ARHGEF3: variants seen among roughly 807,000 people sequenced by gnomAD.
The protein encoded by ARHGEF3 is Rho guanine nucleotide exchange factor 3.
In ARHGEF3, 28 loss-of-function variants were observed where a neutral mutation model predicts 63.2. That is an observed-to-expected ratio of 0.44 (90% CI 0.33 to 0.61). The LOEUF (loss-of-function observed/expected upper bound fraction) is 0.61, where lower values mean the gene tolerates loss of function less well. Among genes scored for constraint, ARHGEF3 ranks in the 20% least tolerant of loss-of-function variants. ARHGEF3 has a pLI of 0.03. For missense variants in ARHGEF3, 533 were observed against 659.3 expected, an observed-to-expected ratio of 0.81 and a Z score of 2.10; for synonymous variants, 266 against 254.2, an observed-to-expected ratio of 1.05 and a Z score of -0.44.
intron 4 of ARHGEF3, among the ~76,000 whole-genome samples, chr3:56,829,937 T>A (rs1034912394): frequency 6.6e-6 from 1 of 152,276 alleles, no homozygotes; most frequent in East Asian, 1.9e-4. Context: ...CCCCAAATAA[T>A]AGCAACAGAC....
At chr3:57,037,270 G>A (rs1704000863) in intron 1 of ARHGEF3, among the ~76,000 whole-genome samples, 1 of 152,196 alleles carries the variant, frequency 6.6e-6, no homozygotes, top group Non-Finnish European at 1.5e-5. Context: ...AGGGTATGAA[G>A]AGGAATTGAG....
chr3:57,050,136 T>C (rs1339899032), intron 1 of ARHGEF3, among the ~76,000 whole-genome samples: 2 of 152,156 alleles, frequency 1.3e-5, no homozygotes, highest in Non-Finnish European at 2.9e-5. Flanking sequence ...CTGACCCTTC[T>C]CCTTCCACTC....
At chr3:56,871,092 G>A (rs1396994667) in intron 4 of ARHGEF3, among the ~76,000 whole-genome samples, 1 of 152,114 alleles carries the variant, frequency 6.6e-6, no homozygotes, top group Non-Finnish European at 1.5e-5. Context: ...ACCTAAGGAG[G>A]TAAGTGGGAC....
intron 3 of ARHGEF3, among the ~76,000 whole-genome samples, chr3:56,905,533 C>G (rs919274804): frequency 2.6e-5 from 4 of 152,200 alleles, no homozygotes; most frequent in Non-Finnish European, 5.9e-5. Flanking sequence ...AGCAAATATC[C>G]TTCTACATAA....
At position 56,817,871 on chromosome 3, in the gene ARHGEF3, T is replaced by C. The variant is rs1326106433; in HGVS notation, c.193-44055A>G. Reference sequence around the variant, plus strand: ...ATGCCCCGTACCCACAGGGCAATCATGTCCACACCATGGGCAAGTGGCTTT... The same window carrying C: ...ATGCCCCGTACCCACAGGGCAATCACGTCCACACCATGGGCAAGTGGCTTT... On this transcript the variant is annotated intron_variant, in intron 4 of 12. Transcript: ENST00000338458. 3.9e-5 allele frequency among the ~76,000 whole-genome samples: 6 copies of C among 152,316 alleles called. 1 individual carries two copies. The South Asian group carries it at 1.0e-3, about 26-fold the overall frequency.
intron 3 of ARHGEF3, among the ~76,000 whole-genome samples, chr3:56,904,698 G>C (rs2041630484): frequency 6.6e-6 from 1 of 152,104 alleles, no homozygotes; most frequent in South Asian, 2.1e-4. Flanking sequence ...CACATACAGA[G>C]ACACATACAA....
chr3:56,813,157 T>C (rs2038135651), intron 4 of ARHGEF3, among the ~76,000 whole-genome samples: 1 of 152,214 alleles, frequency 6.6e-6, no homozygotes, highest in Non-Finnish European at 1.5e-5. Flanking sequence ...AACAGGCTTT[T>C]AACATCTCCA....
intron 3 of ARHGEF3, among the ~76,000 whole-genome samples, chr3:56,934,627 T>G (rs1012167782): frequency 6.6e-6 from 1 of 151,914 alleles, no homozygotes; most frequent in Non-Finnish European, 1.5e-5. Flanking sequence ...CTGCGGAGGG[T>G]GTACTGGGTC....
At chr3:56,807,740 G>C (rs1410529877) in intron 4 of ARHGEF3, among the ~76,000 whole-genome samples, 3 of 152,188 alleles carry the variant, frequency 2.0e-5, no homozygotes, top group Non-Finnish European at 2.9e-5. Context: ...TGGCACAAAT[G>C]AAGCAACCAT....
chr3:57,047,248 T>C (rs1446145977), intron 1 of ARHGEF3, among the ~76,000 whole-genome samples: 1 of 152,176 alleles, frequency 6.6e-6, no homozygotes, highest in Non-Finnish European at 1.5e-5. Context: ...CTCAGGAGGC[T>C]GAGGCAGGGG....
At chr3:56,909,186 C>T (rs1028026274) in intron 3 of ARHGEF3, among the ~76,000 whole-genome samples, 1 of 152,184 alleles carries the variant, frequency 6.6e-6, no homozygotes, top group African/African-American at 2.4e-5. Flanking sequence ...GGGGACCACA[C>T]AGACATTTTC....
At chr3:56,879,793 C>A (rs1341241006) in intron 4 of ARHGEF3, among the ~76,000 whole-genome samples, 1 of 152,158 alleles carries the variant, frequency 6.6e-6, no homozygotes, top group Non-Finnish European at 1.5e-5. Flanking sequence ...CTTTGAGTAG[C>A]CCACAGAGGC....
intron 4 of ARHGEF3, among the ~76,000 whole-genome samples, chr3:56,881,933 C>T (rs1026966989): frequency 1.3e-5 from 2 of 152,204 alleles, no homozygotes; most frequent in African/African-American, 4.8e-5. Flanking sequence ...CTGAGCTGGG[C>T]CAAGCCACTA....
At chr3:56,772,039 T>C (rs2036034155) in intron 2 of ARHGEF3, among the ~76,000 whole-genome samples, 2 of 152,186 alleles carry the variant, frequency 1.3e-5, no homozygotes, top group African/African-American at 4.8e-5. Flanking sequence ...CACATTCTTC[T>C]TCACTAGTTT....
chr3:56,745,086 G>T, intron 7 of ARHGEF3, 119 bp downstream of exon 7: 2 of 1,315,744 alleles, frequency 1.5e-6, no homozygotes, highest in Non-Finnish European at 2.1e-6. Context: ...GCCAGGCCTG[G>T]AACCCAAGAT....
chr3:57,025,867 C>G (rs534820513), intron 2 of ARHGEF3, among the ~76,000 whole-genome samples: 7 of 152,260 alleles, frequency 4.6e-5, no homozygotes, highest in Non-Finnish European at 1.0e-4. Context: ...TTAGAGAAGA[C>G]GATTCCTCCT....
intron 1 of ARHGEF3, among the ~76,000 whole-genome samples, chr3:57,044,424 G>C (rs1404585920): frequency 6.6e-6 from 1 of 152,228 alleles, no homozygotes. Flanking sequence ...AAAGGAAGAT[G>C]CATGCTGGGG....
At chr3:56,892,089 A>G (rs536612769) in intron 3 of ARHGEF3, among the ~76,000 whole-genome samples, 41 of 152,322 alleles carry the variant, frequency 2.7e-4, no homozygotes, top group African/African-American at 9.9e-4. Flanking sequence ...TGCCACCACC[A>G]ACCCTGATGG....
intron 1 of ARHGEF3, among the ~76,000 whole-genome samples, chr3:56,775,943 A>T (rs2107850710): frequency 6.6e-6 from 1 of 152,304 alleles, no homozygotes; most frequent in Non-Finnish European, 1.5e-5. Flanking sequence ...AGGGAGCAGG[A>T]CCTGGTCTCA....
Sources: allele counts gnomAD v4.1 joint callset (sites outside exome capture counted in the v4.1 genomes callset), GRCh38; gene constraint gnomAD v4.1.1; transcripts MANE v1.5; gene names NCBI Gene and HGNC (gene_info 2026-07-23, HGNC 2026-07-21).